The following MAPT variants were observed in gnomAD, a reference collection of about 807,000 sequenced individuals.
MAPT encodes microtubule associated protein tau, also known as microtubule-associated protein tau.
MAPT carries 34 observed loss-of-function variants against 67.9 expected under a neutral mutation model. The observed-to-expected ratio is 0.50, with a 90% CI of 0.38 to 0.67. The LOEUF is 0.67. Ranked by LOEUF, MAPT falls within the 30% of genes least tolerant of loss-of-function variation. MAPT has a pLI of 0.00. For synonymous variants in MAPT, 456 were observed against 464.5 expected (o/e 0.98, Z 0.23); for missense variants, 881 against 1,115.2 (o/e 0.79, Z 2.99).
At chr17:45,930,407 CAA>C (rs67120979) in intron 1 of MAPT, among the ~76,000 whole-genome samples, 37 of 81,956 alleles carry the variant, frequency 4.5e-4, no homozygotes, top group Middle Eastern at 5.6e-3. Flanking sequence ...ATTCTGTCTC[CAA>C]AAAAAAAAAA....
intron 1 of MAPT, among the ~76,000 whole-genome samples, chr17:45,942,839 C>T (rs889924280): frequency 2.0e-5 from 3 of 152,226 alleles, no homozygotes; most frequent in Non-Finnish European, 4.4e-5. Flanking sequence ...CCACATTTTA[C>T]AGACAATGCA....
At chr17:46,000,523 G>A (rs1025452889) in intron 9 of MAPT, among the ~76,000 whole-genome samples, 3 of 152,168 alleles carry the variant, frequency 2.0e-5, no homozygotes, top group African/African-American at 7.2e-5. Context: ...GGGTGGCAGT[G>A]TTCCCTCCAG....
intron 1 of MAPT, among the ~76,000 whole-genome samples, chr17:45,926,938 C>CATATATATACATATATGTGT (rs377489389): frequency 9.9e-4 from 111 of 111,738 alleles, no homozygotes; most frequent in Middle Eastern, 5.7e-3. Flanking sequence ...CATATATACA[C>CATATATATACATATATGTGT]ATATATATAC....
intron 6 of MAPT, among the ~76,000 whole-genome samples, chr17:45,989,494 C>CA (rs368506132): frequency 0.14 from 21,905 of 151,762 alleles, 2,095 homozygotes; most frequent in Non-Finnish European, 0.22. Context: ...ACTAAAAATA[C>CA]AAAAAAACGA....
At chr17:45,943,500 G>A (rs1009994483) in intron 1 of MAPT, among the ~76,000 whole-genome samples, 2 of 152,176 alleles carry the variant, frequency 1.3e-5, no homozygotes, top group African/African-American at 4.8e-5. Flanking sequence ...GACTTTCAGA[G>A]TGTGACCTCA....
intron 9 of MAPT, among the ~76,000 whole-genome samples, chr17:46,006,951 T>TAATAA (rs922575328): frequency 1.8e-3 from 261 of 142,238 alleles, no homozygotes; most frequent in Middle Eastern, 7.1e-3. Context: ...TAAAATAAAA[T>TAATAA]AATAAAATAA....
chr17:45,946,942 C>T (rs2068571081), intron 1 of MAPT, among the ~76,000 whole-genome samples: 1 of 152,146 alleles, frequency 6.6e-6, no homozygotes, highest in Non-Finnish European at 1.5e-5. Flanking sequence ...TCATCTATGC[C>T]CTCATACAAT....
intron 9 of MAPT, among the ~76,000 whole-genome samples, chr17:45,998,147 A>C (rs765434878): frequency 3.3e-5 from 5 of 152,036 alleles, no homozygotes; most frequent in Non-Finnish European, 5.9e-5. Flanking sequence ...TCTCCACACC[A>C]TTGAAGTTCT....
At chr17:45,985,724 T>C in intron 5 of MAPT, 1 of 985,454 alleles carries the variant, frequency 1.0e-6, no homozygotes, top group Non-Finnish European at 1.2e-6. Context: ...TGCTGGTTGA[T>C]GTGGGCAAAA....
intron 1 of MAPT, among the ~76,000 whole-genome samples, chr17:45,916,022 T>C (rs900271615): frequency 6.6e-6 from 1 of 152,140 alleles, no homozygotes; most frequent in African/African-American, 2.4e-5. Flanking sequence ...CGTGGGCGGA[T>C]TCACACCCTG....
At chr17:45,999,931 T>C (rs554174961) in intron 9 of MAPT, among the ~76,000 whole-genome samples, 1 of 152,248 alleles carries the variant, frequency 6.6e-6, no homozygotes, top group African/African-American at 2.4e-5. Context: ...AAGAAAAATG[T>C]CATACAGGGT....
chr17:45,897,003 G>A lies in MAPT; in HGVS notation c.-18+2317G>A, dbSNP rs1399397642. ...CGCCCAGGTTGATCTGAATTTCTGGGGAATGGCTTGGCTGCCCGCCCGGGA... is the reference window on the plus strand; with the variant it reads ...CGCCCAGGTTGATCTGAATTTCTGGAGAATGGCTTGGCTGCCCGCCCGGGA... On this transcript the variant is annotated intron_variant, in intron 1 of 12. Transcript: ENST00000262410. This position sits in a 1 kb window ranked among gnomAD's most constrained non-coding sequence, Gnocchi z 5.0. 1 of 152,272 alleles carries A rather than the reference G, an allele frequency of 6.6e-6. No homozygotes were observed. Among genetic ancestry groups the A allele is most frequent in the South Asian group, 2.1e-4 (1 of 4,834 alleles). The allele number at this position is 152,272 out of a possible 1,614,324, so 9.4% of individuals were successfully genotyped here.
chr17:45,944,900 A>G (rs1406735985), intron 1 of MAPT, among the ~76,000 whole-genome samples: 2 of 151,866 alleles, frequency 1.3e-5, no homozygotes, highest in Non-Finnish European at 2.9e-5. Flanking sequence ...CCCGACTCTC[A>G]CTCCCAACAG....
At chr17:45,928,800 A>G (rs1433420687) in intron 1 of MAPT, among the ~76,000 whole-genome samples, 1 of 152,108 alleles carries the variant, frequency 6.6e-6, no homozygotes, top group Admixed American at 6.5e-5. Context: ...GGTTCACACC[A>G]TTCTCCTGCC....
At chr17:45,933,668 G>A (rs1324247655) in intron 1 of MAPT, among the ~76,000 whole-genome samples, 1 of 151,960 alleles carries the variant, frequency 6.6e-6, no homozygotes, top group Non-Finnish European at 1.5e-5. Context: ...TATCTCTGTC[G>A]ATCCTTTGGG....
At chr17:46,003,129 C>T (rs964613491) in intron 9 of MAPT, among the ~76,000 whole-genome samples, 1 of 144,550 alleles carries the variant, frequency 6.9e-6, no homozygotes, top group Admixed American at 7.0e-5. Flanking sequence ...TGTGGGCGCA[C>T]TCTCGTCTTC....
In MAPT at chr17:45,915,232, TGGG is replaced by T. The variant is rs956533132; in HGVS notation, c.-18+20549_-18+20551del. 1.4e-4 allele frequency among the ~76,000 whole-genome samples: 21 copies of T among 151,004 alleles called. No homozygotes were observed. Among genetic ancestry groups the T allele is most frequent in the Non-Finnish European group, 2.4e-4 (16 of 67,766 alleles). On this transcript the variant is annotated intron_variant, in intron 1 of 12. Coordinates refer to ENST00000262410, the MANE Select transcript of MAPT (RefSeq NM_001377265.1). The surrounding 1 kb of genome is among the most constrained non-coding windows in gnomAD (Gnocchi z 4.4). ...TGTGTGCGCGCAAAGTGTGGGGGGATGGGGGTGAGTGTGTGTGGTGTGTAAGCA... is the reference window on the plus strand; with the variant it reads ...TGTGTGCGCGCAAAGTGTGGGGGGATGGTGAGTGTGTGTGGTGTGTAAGCA...
chr17:45,913,296 G>A (rs9944484), intron 1 of MAPT, among the ~76,000 whole-genome samples: 22,264 of 152,160 alleles, frequency 0.15, 2,165 homozygotes, highest in Middle Eastern at 0.22. Context: ...ATCAGATCTC[G>A]TTAGACTTAT....
chr17:45,998,470 C>G (rs1217299449), intron 9 of MAPT, among the ~76,000 whole-genome samples: 1 of 152,202 alleles, frequency 6.6e-6, no homozygotes, highest in Non-Finnish European at 1.5e-5. Context: ...CAGACAGTGG[C>G]TCCCCTGTGG....
Sources: allele counts gnomAD v4.1 joint callset (sites outside exome capture counted in the v4.1 genomes callset), GRCh38; gene constraint gnomAD v4.1.1; non-coding constraint Gnocchi (gnomAD v3.1); transcripts MANE v1.5; gene names NCBI Gene and HGNC (gene_info 2026-07-23, HGNC 2026-07-21).